The following L3MBTL4 variants were observed in gnomAD, a reference collection of about 807,000 sequenced individuals.
L3MBTL4 encodes the protein L3MBTL histone methyl-lysine binding protein 4, also known as lethal(3)malignant brain tumor-like protein 4.
Under a neutral mutation model 84.5 loss-of-function variants are expected in L3MBTL4, and 70 were observed. The observed-to-expected ratio is 0.83, with a 90% CI of 0.68 to 1.01. The LOEUF is 1.01. Ranked by LOEUF, L3MBTL4 falls within the 50% of genes least tolerant of loss-of-function variation. The pLI is 0.00. For missense variants in L3MBTL4, 715 were observed against 754.8 expected, an observed-to-expected ratio of 0.95 and a Z score of 0.62; for synonymous variants, 274 against 259.8, an observed-to-expected ratio of 1.05 and a Z score of -0.52.
At position 6,317,371 on chromosome 18, in the gene L3MBTL4, A is replaced by G. The variant is rs533128393; in HGVS notation, c.-90-5315T>C. 4.6e-5 allele frequency among the ~76,000 whole-genome samples: 7 copies of G among 152,282 alleles called. No homozygotes were observed. In the East Asian group the frequency reaches 5.8e-4, roughly 13 times the overall value. On this transcript the variant is annotated intron_variant, in intron 1 of 18. Coordinates refer to ENST00000317931, the MANE Select transcript of L3MBTL4 (RefSeq NM_001330559.2). Reference sequence around the variant, plus strand: ...AATGAAAAAAAAATTCAAGATATAAATGAAAAATGTTATAAAGAGATACAT... The same window carrying G: ...AATGAAAAAAAAATTCAAGATATAAGTGAAAAATGTTATAAAGAGATACAT...
intron 16 of L3MBTL4, among the ~76,000 whole-genome samples, chr18:5,998,458 G>A (rs2054075279): frequency 6.6e-6 from 1 of 152,152 alleles, no homozygotes; most frequent in Non-Finnish European, 1.5e-5. Flanking sequence ...TTCCTGGAGG[G>A]GCCCTTCAGG....
chr18:6,300,399 C>T (rs890273946), intron 4 of L3MBTL4, among the ~76,000 whole-genome samples: 2 of 152,042 alleles, frequency 1.3e-5, no homozygotes, highest in Non-Finnish European at 1.5e-5. Flanking sequence ...AGCCACGGTG[C>T]GAACTTTTGA....
chr18:6,016,224 C>G (rs914188200), intron 16 of L3MBTL4, among the ~76,000 whole-genome samples: 15 of 152,134 alleles, frequency 9.9e-5, no homozygotes, highest in African/African-American at 3.1e-4. Context: ...GGGGGAGCAG[C>G]AGGGGCACGG....
At chr18:6,024,436 C>T (rs1468791905) in intron 16 of L3MBTL4, among the ~76,000 whole-genome samples, 1 of 152,198 alleles carries the variant, frequency 6.6e-6, no homozygotes. Context: ...TTTACACTTA[C>T]ATAAATAGCT....
chr18:6,353,211 G>T (rs955704109), intron 1 of L3MBTL4, among the ~76,000 whole-genome samples: 2 of 150,774 alleles, frequency 1.3e-5, no homozygotes, highest in Non-Finnish European at 2.9e-5. Flanking sequence ...ACAAATCAAC[G>T]CAACTCACAG....
intron 16 of L3MBTL4, among the ~76,000 whole-genome samples, chr18:6,061,925 T>C (rs1328859587): frequency 6.6e-6 from 1 of 151,982 alleles, no homozygotes; most frequent in Non-Finnish European, 1.5e-5. Context: ...ATCCCTTATG[T>C]TATTGCCGGC....
Position 6,129,537 on chromosome 18 carries a change from T to C in L3MBTL4, c.1199+8657A>G, listed in dbSNP as rs8091704. On this transcript the variant is annotated intron_variant, in intron 14 of 18. Transcript: ENST00000317931. Reference sequence around the variant, plus strand: ...TTTCATTATTTCTTACTGAGTAAGGTATAGATTTCTCTCTGAACATATGTA... The same window carrying C: ...TTTCATTATTTCTTACTGAGTAAGGCATAGATTTCTCTCTGAACATATGTA... Among the ~76,000 whole-genome samples, 666 of 152,236 alleles carry C rather than the reference T, an allele frequency of 4.4e-3. 3 individuals are homozygous for C. Among genetic ancestry groups the C allele is most frequent in the African/African-American group, 0.016 (649 of 41,538 alleles).
At chr18:6,292,312 C>T (rs144673831) in intron 4 of L3MBTL4, among the ~76,000 whole-genome samples, 3 of 152,290 alleles carry the variant, frequency 2.0e-5, no homozygotes, top group African/African-American at 7.2e-5. Context: ...AGATTTATTA[C>T]ATTGTTGCTA....
chr18:6,405,573 A>G (rs895427307), intron 1 of L3MBTL4, among the ~76,000 whole-genome samples: 26 of 151,554 alleles, frequency 1.7e-4, no homozygotes, highest in Non-Finnish European at 3.5e-4. Flanking sequence ...CCAGGGGCTG[A>G]GCCTGAGTGC....
At chr18:6,068,038 C>T (rs746377872) in intron 16 of L3MBTL4, among the ~76,000 whole-genome samples, 7 of 151,906 alleles carry the variant, frequency 4.6e-5, no homozygotes, top group Non-Finnish European at 7.4e-5. Flanking sequence ...TAATTTGATT[C>T]TTAATGCTTT....
intron 14 of L3MBTL4, among the ~76,000 whole-genome samples, chr18:6,134,768 G>T (rs2059981734): frequency 6.6e-6 from 1 of 152,180 alleles, no homozygotes; most frequent in African/African-American, 2.4e-5. Context: ...CCTCCTGGCT[G>T]CTTTCATAGG....
At chr18:6,131,192 T>C (rs2059865218) in intron 14 of L3MBTL4, among the ~76,000 whole-genome samples, 1 of 152,190 alleles carries the variant, frequency 6.6e-6, no homozygotes, top group South Asian at 2.1e-4. Flanking sequence ...AAATTCTGAT[T>C]TGAAATGGTA....
At chr18:6,066,607 T>C (rs1039795179) in intron 16 of L3MBTL4, among the ~76,000 whole-genome samples, 1 of 152,140 alleles carries the variant, frequency 6.6e-6, no homozygotes, top group Non-Finnish European at 1.5e-5. Context: ...TTACATAATG[T>C]CATTCTTTAA....
intron 1 of L3MBTL4, among the ~76,000 whole-genome samples, chr18:6,383,039 G>A (rs1448201666): frequency 6.6e-6 from 1 of 152,062 alleles, no homozygotes; most frequent in Non-Finnish European, 1.5e-5. Context: ...TGGCAGTCTG[G>A]CCACAGCGGC....
At chr18:5,959,737 G>A (rs1346731176) in intron 18 of L3MBTL4, among the ~76,000 whole-genome samples, 2 of 152,042 alleles carry the variant, frequency 1.3e-5, no homozygotes, top group African/African-American at 4.8e-5. Flanking sequence ...GACACTGATA[G>A]GTATTAATTA....
chr18:6,008,735 G>A (rs4798427), intron 16 of L3MBTL4, among the ~76,000 whole-genome samples: 1 of 152,108 alleles, frequency 6.6e-6, no homozygotes. Context: ...AGAGTATCAC[G>A]GGTTTGGATT....
chr18:6,235,075 G>A (rs2047160110), intron 10 of L3MBTL4, among the ~76,000 whole-genome samples: 1 of 152,050 alleles, frequency 6.6e-6, no homozygotes, highest in Admixed American at 6.6e-5. Flanking sequence ...AGGACAGAAA[G>A]CCAAACACCA....
At chr18:6,021,634 A>G (rs2055269014) in intron 16 of L3MBTL4, among the ~76,000 whole-genome samples, 1 of 152,168 alleles carries the variant, frequency 6.6e-6, no homozygotes. Context: ...ATTCGTGAGG[A>G]GTGCGCAAAA....
At chr18:6,202,132 T>A (rs937708129) in intron 12 of L3MBTL4, among the ~76,000 whole-genome samples, 14 of 152,152 alleles carry the variant, frequency 9.2e-5, no homozygotes, top group Non-Finnish European at 1.6e-4. Flanking sequence ...TTTCTGTACC[T>A]CCCTTCCCTT....
Sources: gnomAD v4.1 joint callset for allele counts (sites outside exome capture counted in the v4.1 genomes callset) on GRCh38, gnomAD v4.1.1 for gene constraint, MANE v1.5 for transcripts, NCBI Gene and HGNC (gene_info 2026-07-23, HGNC 2026-07-21) for gene names.